SORCS3: variants seen among roughly 807,000 people sequenced by gnomAD.
The protein encoded by SORCS3 is sortilin related VPS10 domain containing receptor 3, also known as VPS10 domain-containing receptor SorCS3.
SORCS3 carries 57 observed loss-of-function variants against 146.3 expected under a neutral mutation model. The ratio of observed to expected loss-of-function variants is 0.39; its 90% CI spans 0.31 to 0.49. The LOEUF (loss-of-function observed/expected upper bound fraction) is 0.49, where lower values mean the gene tolerates loss of function less well. Among genes scored for constraint, SORCS3 ranks in the 20% least tolerant of loss-of-function variants. The pLI is 0.92. For missense variants in SORCS3, 1,341 were observed against 1,575.5 expected, an observed-to-expected ratio of 0.85 and a Z score of 2.52; for synonymous variants, 653 against 618.5, an observed-to-expected ratio of 1.06 and a Z score of -0.83.
At position 104,924,725 on chromosome 10, in the gene SORCS3, G is replaced by A. The variant is rs2019121948; in HGVS notation, c.795+8793G>A. On this transcript the variant is annotated intron_variant, in intron 3 of 26. Transcript: ENST00000369701. The stretch of plus-strand genomic sequence containing the variant: ...CACTGAGAAGTCATTTAAATTCTCT[G>A]ATCCTCACCTTCTCAATTTGTAAAA... 2.6e-5 allele frequency among the ~76,000 whole-genome samples: 4 copies of A among 152,286 alleles called. 1 individual carries two copies. In the South Asian group the frequency reaches 8.3e-4, roughly 32 times the overall value.
intron 17 of SORCS3, among the ~76,000 whole-genome samples, 186 bp downstream of exon 17, chr10:105,211,436 T>G (rs2056633139): frequency 6.6e-6 from 1 of 152,204 alleles, no homozygotes; most frequent in South Asian, 2.1e-4. Context: ...TCAGAAGAGA[T>G]TTCTGATCAA....
chr10:105,255,662 C>G, intron 23 of SORCS3, 40 bp from the exon 24 acceptor site: 1 of 1,388,482 alleles, frequency 7.2e-7, no homozygotes, highest in Non-Finnish European at 1.0e-6. Context: ...AGCATCATTG[C>G]ATGTCATGTC....
intron 2 of SORCS3, among the ~76,000 whole-genome samples, chr10:104,844,919 A>C (rs1405663500): frequency 6.6e-6 from 1 of 152,156 alleles, no homozygotes; most frequent in African/African-American, 2.4e-5. Flanking sequence ...TAGGATGGGG[A>C]CATATCTTTT....
At chr10:104,704,488 G>T (rs2016314689) in intron 1 of SORCS3, among the ~76,000 whole-genome samples, 1 of 152,086 alleles carries the variant, frequency 6.6e-6, no homozygotes, top group Admixed American at 6.6e-5. Context: ...GACTTCTACA[G>T]GTTCAACTAC....
At chr10:105,253,785 T>G (rs2056914508) in intron 23 of SORCS3, among the ~76,000 whole-genome samples, 1 of 152,234 alleles carries the variant, frequency 6.6e-6, no homozygotes, top group Non-Finnish European at 1.5e-5. Flanking sequence ...GCGGTAGAGA[T>G]GTGATTGCAG....
Position 105,053,370 on chromosome 10 carries a change from G to A in SORCS3, c.1028+10242G>A, listed in dbSNP as rs561589655. Among the ~76,000 whole-genome samples, 24 of 151,988 alleles carry A rather than the reference G, an allele frequency of 1.6e-4. No homozygotes were observed. In the South Asian group the frequency reaches 4.0e-3, roughly 25 times the overall value. On this transcript the variant is annotated intron_variant, in intron 5 of 26. Transcript: ENST00000369701. The stretch of plus-strand genomic sequence containing the variant: ...GGAGCAGAAGTGGCTAAGGCTTGTC[G>A]GGGAAGTGGAGAGGCAATGCCAGAA...
At chr10:104,728,489 A>G (rs1347809771) in intron 1 of SORCS3, among the ~76,000 whole-genome samples, 1 of 152,164 alleles carries the variant, frequency 6.6e-6, no homozygotes, top group East Asian at 1.9e-4. Context: ...GATAATAGGA[A>G]GTTGATTGAA....
chr10:105,184,821 C>T (rs1440611659), intron 14 of SORCS3, among the ~76,000 whole-genome samples: 1 of 152,206 alleles, frequency 6.6e-6, no homozygotes, highest in East Asian at 1.9e-4. Flanking sequence ...TGGGTAAGAA[C>T]ATTTAACATG....
chr10:104,951,290 C>G (rs960428428), intron 3 of SORCS3, among the ~76,000 whole-genome samples: 5 of 152,082 alleles, frequency 3.3e-5, no homozygotes, highest in African/African-American at 1.2e-4. Flanking sequence ...GTCACACCTT[C>G]AACACTGCCT....
At chr10:105,242,483 TTTATATATTTA>T (rs1564793505) in intron 20 of SORCS3, among the ~76,000 whole-genome samples, 1 of 53,126 alleles carries the variant, frequency 1.9e-5, no homozygotes, top group African/African-American at 8.6e-5. Context: ...TATTTATATA[TTTATATATTTA>T]TATATATTTA....
At chr10:105,113,938 G>A (rs1287788054) in intron 7 of SORCS3, among the ~76,000 whole-genome samples, 2 of 152,170 alleles carry the variant, frequency 1.3e-5, no homozygotes, top group Non-Finnish European at 2.9e-5. Context: ...GGGGAAAGCA[G>A]TAAGTTGATT....
chr10:104,859,601 C>T (rs1327703397), intron 2 of SORCS3, among the ~76,000 whole-genome samples: 1 of 152,128 alleles, frequency 6.6e-6, no homozygotes, highest in African/African-American at 2.4e-5. Flanking sequence ...TTCTGCACAG[C>T]AAAAGAAACT....
Position 105,167,318 on chromosome 10 carries a change from A to G in SORCS3, c.1870A>G (p.Lys624Glu). The change falls in exon 13 of 27, where the codon AAA (lysine) becomes GAA (glutamate). Residue 624 changes from lysine (K) to glutamate (E), a missense_variant. Physicochemically the swap from Lys to Glu is moderately conservative, Grantham distance 56. Transcript: ENST00000369701. Reference protein sequence around the residue: ...LDWGGALVAMKHTPLPVRHLW... With the variant: ...LDWGGALVAMEHTPLPVRHLW... ...CTGGGGTGGTGCCCTCGTGGCCATG[A>G]AACACACACCTCTGCCAGTCAGGCA... The G allele has an allele frequency of 6.2e-7, 1 of 1,613,480 alleles. No homozygotes were observed. The highest frequency in any genetic ancestry group is 8.5e-7 in the Non-Finnish European group (1 of 1,179,590).
intron 5 of SORCS3, among the ~76,000 whole-genome samples, chr10:105,049,079 C>T (rs1333273031): frequency 6.6e-6 from 1 of 151,944 alleles, no homozygotes; most frequent in Non-Finnish European, 1.5e-5. Flanking sequence ...TTTCTTGGAC[C>T]AGTGTTTTAG....
intron 5 of SORCS3, among the ~76,000 whole-genome samples, chr10:105,060,473 A>C (rs2055478315): frequency 6.6e-6 from 1 of 152,162 alleles, no homozygotes; most frequent in Non-Finnish European, 1.5e-5. Flanking sequence ...GAGCATGCTC[A>C]GGACTGGTCT....
At chr10:104,645,134 T>G (rs1217421771) in intron 1 of SORCS3, among the ~76,000 whole-genome samples, 1 of 152,160 alleles carries the variant, frequency 6.6e-6, no homozygotes, top group Non-Finnish European at 1.5e-5. Flanking sequence ...CTTGACCATG[T>G]TGCCTGCCAG....
chr10:104,957,081 C>T (rs74155077), intron 3 of SORCS3, among the ~76,000 whole-genome samples: 4,314 of 152,232 alleles, frequency 0.028, 163 homozygotes, highest in African/African-American at 0.089. Context: ...TGATCCTTCT[C>T]AGGTACATCA....
At chr10:104,815,448 C>CAAAAAAA in intron 1 of SORCS3, among the ~76,000 whole-genome samples, 1 of 79,356 alleles carries the variant, frequency 1.3e-5, no homozygotes, top group Non-Finnish European at 2.3e-5. Flanking sequence ...GACCCTGTCT[C>CAAAAAAA]AAAAAAAAAA....
At chr10:105,227,602 T>C (rs1330985206) in intron 20 of SORCS3, among the ~76,000 whole-genome samples, 1 of 152,028 alleles carries the variant, frequency 6.6e-6, no homozygotes, top group Non-Finnish European at 1.5e-5. Flanking sequence ...TTTCTTTGTT[T>C]TCCGTCTAGA....
Sources: allele counts gnomAD v4.1 joint callset (sites outside exome capture counted in the v4.1 genomes callset), GRCh38; gene constraint gnomAD v4.1.1; transcripts MANE v1.5; gene names NCBI Gene and HGNC (gene_info 2026-07-23, HGNC 2026-07-21).